XDH: variants seen among roughly 807,000 people sequenced by gnomAD.
The protein encoded by XDH is xanthine dehydrogenase/oxidase.
XDH carries 138 observed loss-of-function variants against 156.1 expected under a neutral mutation model. The observed-to-expected ratio is 0.88, with a 90% CI of 0.77 to 1.02. XDH has a LOEUF of 1.02. Among genes scored for constraint, XDH ranks in the 50% least tolerant of loss-of-function variants. The pLI, the probability that XDH is intolerant of heterozygous loss-of-function variation, is 0.00. For synonymous variants in XDH, 669 were observed against 625.7 expected (o/e 1.07, Z -1.03); for missense variants, 1,849 against 1,684.9 (o/e 1.10, Z -1.71).
rs766398747 is a variant in XDH, at chr2:31,365,548, G to A, written c.2457-4C>T. 1.2e-6 allele frequency: 2 copies of A among 1,614,118 alleles called. No individual in the cohort carries two copies. Among genetic ancestry groups the A allele is most frequent in the East Asian group, 2.2e-5 (1 of 44,866 alleles). On this transcript the variant is annotated splice_region_variant and splice_polypyrimidine_tract_variant and intron_variant, in intron 22 of 35. Transcript: ENST00000379416. ...GCATCGCACAGGGCGGCCGGTCCTG[G>A]GGGTTACCGACAGTGTTAGAAGCCT...
At chr2:31,404,718 TGATCC>T (rs963641780) in intron 2 of XDH, among the ~76,000 whole-genome samples, 1 of 152,154 alleles carries the variant, frequency 6.6e-6, no homozygotes, top group African/African-American at 2.4e-5. Flanking sequence ...TGCAATCACC[TGATCC>T]GATCTAGTGA....
chr2:31,414,273 A>T (rs1184265295), intron 1 of XDH, among the ~76,000 whole-genome samples: 1 of 152,082 alleles, frequency 6.6e-6, no homozygotes, highest in Admixed American at 6.5e-5. Context: ...TAAAGACAGA[A>T]ATAGAAGTGT....
chr2:31,401,085 A>C, intron 4 of XDH, 135 bp downstream of exon 4: 1 of 971,574 alleles, frequency 1.0e-6, no homozygotes. Context: ...GGAGGTGGCC[A>C]GGGTGAAATG....
intron 15 of XDH, among the ~76,000 whole-genome samples, chr2:31,374,835 C>A (rs183771548): frequency 3.3e-5 from 5 of 151,866 alleles, no homozygotes; most frequent in African/African-American, 1.2e-4. Context: ...AAAATAAATT[C>A]TTGGTGAACA....
intron 27 of XDH, 93 bp downstream of exon 27, chr2:31,348,806 A>T: frequency 8.7e-7 from 1 of 1,155,608 alleles, no homozygotes. Flanking sequence ...CCCTGTTACC[A>T]GTGACAACGA....
At chr2:31,375,027 T>TC (rs1558694105) in intron 15 of XDH, among the ~76,000 whole-genome samples, 2 of 120,546 alleles carry the variant, frequency 1.7e-5, no homozygotes, top group African/African-American at 7.1e-5. Flanking sequence ...TTCTTTCTTT[T>TC]TTTTTTTTTT....
In XDH at chr2:31,344,767, G is replaced by T. The variant is rs1376999145; in HGVS notation, c.3352-31C>A. ...GAGAGGAGATGGCCATCAGGCAGGTGAAGTGAGGTTTTCAGGAACCCTGAC... is the reference window on the plus strand; with the variant it reads ...GAGAGGAGATGGCCATCAGGCAGGTTAAGTGAGGTTTTCAGGAACCCTGAC... On this transcript the variant is annotated intron_variant, in intron 30 of 35. Coordinates refer to ENST00000379416, the MANE Select transcript of XDH (RefSeq NM_000379.4). 3 of 1,613,060 alleles carry T rather than the reference G, an allele frequency of 1.9e-6. No homozygotes were observed. In the African/African-American group the frequency reaches 4.0e-5, roughly 22 times the overall value.
intron 28 of XDH, 104 bp from the exon 29 acceptor site, chr2:31,347,754 C>A: frequency 6.8e-7 from 1 of 1,464,780 alleles, no homozygotes; most frequent in Non-Finnish European, 9.3e-7. Flanking sequence ...GGCAAGAAAA[C>A]AATTTCGTAA....
chr2:31,392,205 C>G (rs1686785225), intron 6 of XDH, among the ~76,000 whole-genome samples: 1 of 151,738 alleles, frequency 6.6e-6, no homozygotes, highest in Admixed American at 6.6e-5. Context: ...CTTAGTTAGC[C>G]TGGCCAGAGG....
At chr2:31,401,429 G>A (rs1002437188) in intron 3 of XDH, 101 bp from the exon 4 acceptor site, 15 of 1,174,010 alleles carry the variant, frequency 1.3e-5, no homozygotes, top group African/African-American at 3.0e-5. Context: ...TTTATGTTAC[G>A]TCTCTCCGCT....
chr2:31,341,543 T>C (rs1003588566), intron 32 of XDH, 149 bp from the exon 33 acceptor site: 20 of 853,096 alleles, frequency 2.3e-5, no homozygotes, highest in African/African-American at 2.0e-4. Flanking sequence ...GGCAGAAGTG[T>C]TGATGTTCCC....
rs761118606 is a variant in XDH, at chr2:31,347,521, C to T, written c.3276+1G>A. The T allele has an allele frequency of 6.2e-7, 1 of 1,613,786 alleles. No individual in the cohort carries two copies. The highest frequency in any genetic ancestry group is 8.5e-7 in the Non-Finnish European group (1 of 1,179,998). On this transcript the variant is annotated splice_donor_variant, in intron 29 of 35. Transcript: ENST00000379416. LOFTEE classifies it high-confidence loss of function. ...TCTGCGGGATCCCATGGGCTCCTTA[C>T]ATAGACGGCCTGTCCATTGAGGTCA...
intron 6 of XDH, among the ~76,000 whole-genome samples, chr2:31,393,883 A>G (rs206854): frequency 0.7 from 104,322 of 149,540 alleles, 36,969 homozygotes; most frequent in African/African-American, 0.8. Flanking sequence ...ATAACACTAC[A>G]CCGCTTTACA....
In XDH at chr2:31,348,354, G is replaced by T. The variant is rs1006303631; in HGVS notation, c.3061C>A (p.Leu1021Ile). ...GAGCCATCTGTGTACACATGAAGTAGGGCTCCTGCCTAGGGAAAGAGAAGG... is the reference window on the plus strand; with the variant it reads ...GAGCCATCTGTGTACACATGAAGTATGGCTCCTGCCTAGGGAAAGAGAAGG... ...TVPFLNQAGA[L>I]LHVYTDGSVL... is the part of the protein sequence containing the mutation. Residue 1021 changes from leucine (L) to isoleucine (I), a missense_variant, in exon 28 of 36, where the codon CTA becomes ATA. Physicochemically the swap from Leu to Ile is conservative, Grantham distance 5. Coordinates refer to ENST00000379416, the MANE Select transcript of XDH (RefSeq NM_000379.4). 1 of 1,614,152 alleles carries T rather than the reference G, an allele frequency of 6.2e-7. No homozygotes were observed. The highest frequency in any genetic ancestry group is 2.2e-5 in the East Asian group (1 of 44,886).
At chr2:31,364,644 AC>A (rs1558687468) in intron 23 of XDH, among the ~76,000 whole-genome samples, 2 of 152,304 alleles carry the variant, frequency 1.3e-5, no homozygotes, top group South Asian at 2.1e-4. Context: ...GTCAGAAGAC[AC>A]AAAAAGTTTC....
Position 31,366,968 on chromosome 2 carries a change from G to A in XDH, c.2224C>T (p.His742Tyr). Residue 742 changes from histidine (H) to tyrosine (Y), a missense_variant, in exon 21 of 36, where the codon CAC (histidine) becomes TAC (tyrosine). By Grantham distance (83) the His-to-Tyr change is moderately conservative. Transcript: ENST00000379416. ...GTGCAGTGAGTCTCCAGGTAGAAGTGCTCTTGGCCACCGATGTATATCTCC... is the reference window on the plus strand; with the variant it reads ...GTGCAGTGAGTCTCCAGGTAGAAGTACTCTTGGCCACCGATGTATATCTCC... Reference protein sequence around the residue: ...SGEIYIGGQEHFYLETHCTIA... With the variant: ...SGEIYIGGQEYFYLETHCTIA... 1.9e-6 allele frequency: 3 copies of A among 1,614,106 alleles called. No homozygotes were observed. The highest frequency in any genetic ancestry group is 2.5e-6 in the Non-Finnish European group (3 of 1,179,940).
rs1192911082 is a variant in XDH, at chr2:31,337,637, A to G, written c.3951+4T>C. Reference sequence around the variant, plus strand: ...ACTGAGTGGATGCTTGAGGGGCATCATACCAGGGTGGTGAACTTGTCCACG... The same window carrying G: ...ACTGAGTGGATGCTTGAGGGGCATCGTACCAGGGTGGTGAACTTGTCCACG... On this transcript the variant is annotated splice_donor_region_variant and intron_variant, in intron 35 of 35. Transcript: ENST00000379416. The G allele has an allele frequency of 3.7e-6, 6 of 1,613,948 alleles. No homozygotes were observed. The highest frequency in any genetic ancestry group is 5.1e-6 in the Non-Finnish European group (6 of 1,180,026).
At chr2:31,391,170 T>C (rs950130951) in intron 6 of XDH, among the ~76,000 whole-genome samples, 1 of 152,074 alleles carries the variant, frequency 6.6e-6, no homozygotes, top group African/African-American at 2.4e-5. Flanking sequence ...TGTGTTTAGA[T>C]TCATTTTTTT....
chr2:31,388,317 G>T (rs753485563), intron 6 of XDH, 22 bp from the exon 7 acceptor site: 8 of 1,611,630 alleles, frequency 5.0e-6, no homozygotes, highest in Admixed American at 1.7e-5. Flanking sequence ...ATGAACATCT[G>T]CACAAGGGTA....
Sources: allele counts gnomAD v4.1 joint callset (sites outside exome capture counted in the v4.1 genomes callset), GRCh38; gene constraint gnomAD v4.1.1; transcripts MANE v1.5; gene names NCBI Gene and HGNC (gene_info 2026-07-23, HGNC 2026-07-21).